GLIS3: variants seen among roughly 807,000 people sequenced by gnomAD.
GLIS3 encodes the protein GLIS family zinc finger 3.
Under a neutral mutation model 78.6 loss-of-function variants are expected in GLIS3, and 53 were observed. That is an observed-to-expected ratio of 0.67 (90% CI 0.54 to 0.85). The LOEUF is 0.85. Among genes scored for constraint, GLIS3 ranks in the 40% least tolerant of loss-of-function variants. The pLI is 0.00. For missense variants in GLIS3, 1,703 were observed against 1,231.1 expected (o/e 1.38, Z -5.74); for synonymous variants, 684 against 509.9 (o/e 1.34, Z -4.60).
chr9:4,333,059 G>A (rs1000460285), intron 2 of GLIS3, among the ~76,000 whole-genome samples: 9 of 152,194 alleles, frequency 5.9e-5, no homozygotes, highest in African/African-American at 2.2e-4. Context: ...AACCTTATGA[G>A]ACAGGTATTA....
chr9:4,372,491 C>T, the GLIS3 span, among the ~76,000 whole-genome samples: 1 of 150,170 alleles, frequency 6.7e-6, no homozygotes, highest in African/African-American at 2.5e-5. Context: ...TACTTCAAAT[C>T]ACCTCCTCTA....
chr9:3,989,973 C>G (rs760538365), intron 4 of GLIS3, among the ~76,000 whole-genome samples: 1 of 152,126 alleles, frequency 6.6e-6, no homozygotes, highest in Non-Finnish European at 1.5e-5. Context: ...TTGCAAAATA[C>G]TAACATTGGG....
the GLIS3 span, among the ~76,000 whole-genome samples, chr9:4,485,189 A>G: frequency 3.3e-5 from 5 of 151,560 alleles, no homozygotes; most frequent in Admixed American, 3.3e-4. Flanking sequence ...TAATTTTTGT[A>G]TTTTTAGTAG....
At chr9:3,828,905 A>G (rs993254645) in intron 10 of GLIS3, among the ~76,000 whole-genome samples, 1 of 152,196 alleles carries the variant, frequency 6.6e-6, no homozygotes, top group African/African-American at 2.4e-5. Context: ...GGGGCTTTGA[A>G]TGCCATGCTG....
At chr9:4,099,060 C>G (rs546967963) in intron 4 of GLIS3, among the ~76,000 whole-genome samples, 2 of 152,326 alleles carry the variant, frequency 1.3e-5, no homozygotes, top group South Asian at 4.1e-4. Context: ...CAATGTCCCA[C>G]AGCTTGGCTT....
At chr9:4,471,961 C>T in the GLIS3 span, among the ~76,000 whole-genome samples, 2 of 152,298 alleles carry the variant, frequency 1.3e-5, no homozygotes, top group South Asian at 4.1e-4. Context: ...TGAACAGACA[C>T]TTTTCAAAAG....
chr9:4,410,926 A>G, the GLIS3 span, among the ~76,000 whole-genome samples: 588 of 152,350 alleles, frequency 3.9e-3, 4 homozygotes, highest in African/African-American at 0.013. Context: ...TGTGAGAAAT[A>G]TAATTCTCAC....
In GLIS3 at chr9:4,113,052, T is replaced by G. The variant is rs1021618927; in HGVS notation, c.1710+4716A>C. On this transcript the variant is annotated intron_variant, in intron 4 of 10. Coordinates refer to ENST00000381971, the MANE Select transcript of GLIS3 (RefSeq NM_001042413.2). ...ATTTATCTACCAGAACTATATAATA[T>G]TGCCCGGTTTGTGTTTAAATATACA... 2.0e-5 allele frequency among the ~76,000 whole-genome samples: 3 copies of G among 152,190 alleles called. No individual in the cohort carries two copies. The South Asian group carries it at 6.2e-4, about 32-fold the overall frequency.
At chr9:4,449,379 C>T in the GLIS3 span, among the ~76,000 whole-genome samples, 1 of 152,234 alleles carries the variant, frequency 6.6e-6, no homozygotes, top group African/African-American at 2.4e-5. Context: ...GTAGACCCCA[C>T]CTCTGGTGGC....
the GLIS3 span, among the ~76,000 whole-genome samples, chr9:4,395,777 C>CTTTTTTTTTTTTTT: frequency 7.8e-6 from 1 of 127,724 alleles, no homozygotes; most frequent in Non-Finnish European, 1.7e-5. Flanking sequence ...TTCTTTTTTT[C>CTTTTTTTTTTTTTT]TTTTTTTTTT....
chr9:4,093,499 G>A (rs771051538), intron 4 of GLIS3, among the ~76,000 whole-genome samples: 4 of 152,166 alleles, frequency 2.6e-5, no homozygotes, highest in Non-Finnish European at 5.9e-5. Context: ...GTGGCCTGAA[G>A]GCTTAAAAAT....
At chr9:4,055,407 A>T (rs1327836246) in intron 4 of GLIS3, among the ~76,000 whole-genome samples, 1 of 152,082 alleles carries the variant, frequency 6.6e-6, no homozygotes, top group Non-Finnish European at 1.5e-5. Context: ...AAGCCCCTTT[A>T]CTGAACTCTT....
intron 4 of GLIS3, among the ~76,000 whole-genome samples, chr9:3,958,970 G>A (rs768451324): frequency 6.6e-6 from 1 of 152,204 alleles, no homozygotes. Flanking sequence ...CTTCAGTAAA[G>A]ACTATAGGAA....
chr9:4,085,707 C>A (rs906390319), intron 4 of GLIS3, among the ~76,000 whole-genome samples: 14 of 152,288 alleles, frequency 9.2e-5, no homozygotes, highest in Admixed American at 8.5e-4. Flanking sequence ...GCGCTATCCC[C>A]TCGGTGCTGT....
chr9:4,472,006 A>C, the GLIS3 span, among the ~76,000 whole-genome samples: 1 of 152,362 alleles, frequency 6.6e-6, no homozygotes, highest in African/African-American at 2.4e-5. Flanking sequence ...ACATGAAAAA[A>C]TGCTCATCAT....
chr9:3,994,881 A>T (rs1820619969), intron 4 of GLIS3, among the ~76,000 whole-genome samples: 1 of 151,402 alleles, frequency 6.6e-6, no homozygotes, highest in Non-Finnish European at 1.5e-5. Context: ...AGATAAAGTG[A>T]GGGAATGCCT....
chr9:4,448,676 A>G, the GLIS3 span, among the ~76,000 whole-genome samples: 3 of 152,256 alleles, frequency 2.0e-5, no homozygotes, highest in Non-Finnish European at 4.4e-5. Context: ...AGCAACTTAT[A>G]TCACTGCTGG....
At chr9:4,444,623 T>C in the GLIS3 span, among the ~76,000 whole-genome samples, 1 of 152,234 alleles carries the variant, frequency 6.6e-6, no homozygotes, top group African/African-American at 2.4e-5. Flanking sequence ...CCGATTATCA[T>C]GAAGAAAGCA....
intron 2 of GLIS3, among the ~76,000 whole-genome samples, chr9:4,140,049 A>T (rs1262526884): frequency 6.6e-6 from 1 of 152,214 alleles, no homozygotes; most frequent in East Asian, 1.9e-4. Context: ...ATAACTTCTT[A>T]GCCTGTAAAA....
Sources: gnomAD v4.1 joint callset for allele counts (sites outside exome capture counted in the v4.1 genomes callset) on GRCh38, gnomAD v4.1.1 for gene constraint, MANE v1.5 for transcripts, NCBI Gene and HGNC (gene_info 2026-07-23, HGNC 2026-07-21) for gene names.